Variants in KRABD5 observed in about 807,000 individuals in gnomAD.
KRABD5 encodes the protein KRAB domain-containing protein 5.
chr16:31,742,456 C>T, the KRABD5 span, among the ~76,000 whole-genome samples: 74 of 152,262 alleles, frequency 4.9e-4, no homozygotes, highest in South Asian at 1.0e-2. Context: ...ATGATGACTT[C>T]CAGCTTCATT....
the KRABD5 span, among the ~76,000 whole-genome samples, chr16:31,747,494 G>A: frequency 9.3e-3 from 1,408 of 152,134 alleles, 16 homozygotes; most frequent in South Asian, 0.025. Context: ...TAATTCTTTG[G>A]GTATATACCC....
the KRABD5 span, chr16:31,722,621 T>G: frequency 6.2e-7 from 1 of 1,613,020 alleles, no homozygotes; most frequent in Non-Finnish European, 8.5e-7. Flanking sequence ...TTATTTTTAT[T>G]TCAGGGACTG....
At chr16:31,719,040 A>G in the KRABD5 span, among the ~76,000 whole-genome samples, 1 of 152,210 alleles carries the variant, frequency 6.6e-6, no homozygotes, top group Non-Finnish European at 1.5e-5. Context: ...AGTTCTGGAG[A>G]CTCATACTGA....
the KRABD5 span, among the ~76,000 whole-genome samples, chr16:31,729,126 A>G: frequency 1.3e-5 from 2 of 152,306 alleles, no homozygotes; most frequent in African/African-American, 2.4e-5. Flanking sequence ...TATCATTTGT[A>G]TGGAATATCC....
the KRABD5 span, chr16:31,755,886 T>A: frequency 4.9e-6 from 1 of 204,442 alleles, no homozygotes; most frequent in Non-Finnish European, 1.0e-5. Flanking sequence ...AAAGCACAGA[T>A]CCCCACTTTA....
At chr16:31,726,399 G>A in the KRABD5 span, among the ~76,000 whole-genome samples, 1 of 152,186 alleles carries the variant, frequency 6.6e-6, no homozygotes, top group Admixed American at 6.5e-5. Flanking sequence ...ATGAAGAAGT[G>A]TGATGCCTTC....
At chr16:31,759,459 G>T in the KRABD5 span, 13 of 1,497,344 alleles carry the variant, frequency 8.7e-6, no homozygotes, top group Admixed American at 4.0e-5. Flanking sequence ...GTGTTGCTTC[G>T]AAAAGGGGTG....
At chr16:31,749,838 C>T in the KRABD5 span, among the ~76,000 whole-genome samples, 1 of 152,158 alleles carries the variant, frequency 6.6e-6, no homozygotes, top group African/African-American at 2.4e-5. Context: ...TATTATTGTT[C>T]TTTTCGATGG....
the KRABD5 span, among the ~76,000 whole-genome samples, chr16:31,743,708 T>C: frequency 6.6e-6 from 1 of 152,214 alleles, no homozygotes; most frequent in African/African-American, 2.4e-5. Context: ...TAAATTACTT[T>C]GGGCAGTATG....
the KRABD5 span, among the ~76,000 whole-genome samples, chr16:31,717,444 A>C: frequency 6.6e-6 from 1 of 152,202 alleles, no homozygotes; most frequent in African/African-American, 2.4e-5. Flanking sequence ...TTGCAAATGT[A>C]CCTACCTGTC....
the KRABD5 span, chr16:31,761,186 T>C: frequency 6.6e-6 from 1 of 152,144 alleles, no homozygotes; most frequent in Non-Finnish European, 1.5e-5. Context: ...ATCCATGCCC[T>C]TTGCAATGCA....
At chr16:31,725,595 G>A in the KRABD5 span, among the ~76,000 whole-genome samples, 3 of 152,104 alleles carry the variant, frequency 2.0e-5, no homozygotes, top group East Asian at 3.9e-4. Flanking sequence ...ATTTGTGATC[G>A]CTTGTCTCTT....
At chr16:31,719,848 G>A in the KRABD5 span, among the ~76,000 whole-genome samples, 1 of 152,200 alleles carries the variant, frequency 6.6e-6, no homozygotes, top group Non-Finnish European at 1.5e-5. Flanking sequence ...CATTCCTGCA[G>A]ACCCAGTAGT....
chr16:31,750,768 T>C, the KRABD5 span, among the ~76,000 whole-genome samples: 1 of 151,998 alleles, frequency 6.6e-6, no homozygotes, highest in Non-Finnish European at 1.5e-5. Context: ...GCTTATCTCA[T>C]ATATATTGAA....
At chr16:31,744,158 G>GTGTTGAATA in the KRABD5 span, among the ~76,000 whole-genome samples, 1 of 151,998 alleles carries the variant, frequency 6.6e-6, no homozygotes, top group African/African-American at 2.4e-5. Flanking sequence ...TTTCAATACT[G>GTGTTGAATA]TGTTGAATAG....
At chr16:31,734,912 A>C in the KRABD5 span, among the ~76,000 whole-genome samples, 1 of 151,660 alleles carries the variant, frequency 6.6e-6, no homozygotes, top group Non-Finnish European at 1.5e-5. Context: ...ATGCCCAGCT[A>C]ATTTTTTTGT....
chr16:31,724,770 A>G, the KRABD5 span, among the ~76,000 whole-genome samples: 1 of 152,032 alleles, frequency 6.6e-6, no homozygotes, highest in African/African-American at 2.4e-5. Flanking sequence ...AACTATATTC[A>G]TAATGCTTTA....
the KRABD5 span, among the ~76,000 whole-genome samples, chr16:31,731,635 G>C: frequency 3.3e-5 from 5 of 152,216 alleles, no homozygotes; most frequent in Non-Finnish European, 5.9e-5. Flanking sequence ...TCATTGAGCA[G>C]AACTGCTCCC....
the KRABD5 span, chr16:31,759,396 C>A: frequency 6.5e-7 from 1 of 1,537,912 alleles, no homozygotes; most frequent in South Asian, 1.2e-5. Context: ...ACAAGATAAT[C>A]TCTGCTTGAG....
Sources: gnomAD v4.1 joint callset for allele counts (sites outside exome capture counted in the v4.1 genomes callset) on GRCh38, gnomAD v4.1.1 for gene constraint, MANE v1.5 for transcripts, NCBI Gene and HGNC (gene_info 2026-07-23, HGNC 2026-07-21) for gene names.